NEMF: variants seen among roughly 807,000 people sequenced by gnomAD.
NEMF encodes nuclear export mediator factor, also known as ribosome quality control complex subunit NEMF.
NEMF carries 89 observed loss-of-function variants against 162.2 expected under a neutral mutation model. The ratio of observed to expected loss-of-function variants is 0.55; its 90% CI spans 0.46 to 0.65. The LOEUF (loss-of-function observed/expected upper bound fraction) is 0.65. Ranked by LOEUF, NEMF falls within the 30% of genes least tolerant of loss-of-function variation. The probability of loss-of-function intolerance (pLI) is 0.00; values close to 1 mark genes in which losing one functional copy is unlikely to be tolerated. For synonymous variants in NEMF, 421 were observed against 404.5 expected (o/e 1.04, Z -0.49); for missense variants, 1,133 against 1,261.9 (o/e 0.90, Z 1.55).
At chr14:49,835,194 C>T (rs983178342) in intron 6 of NEMF, among the ~76,000 whole-genome samples, 3 of 146,378 alleles carry the variant, frequency 2.0e-5, no homozygotes, top group South Asian at 4.5e-4. Flanking sequence ...GAGTGAAACT[C>T]CGTCCCCCGC....
intron 5 of NEMF, 133 bp downstream of exon 5, chr14:49,840,580 CAAAAT>C (rs1355331673): frequency 1.4e-6 from 1 of 709,414 alleles, no homozygotes; most frequent in Non-Finnish European, 2.3e-6. Flanking sequence ...CTAAGTAAAA[CAAAAT>C]ATTTTATCTC....
At position 49,784,564 on chromosome 14, in the gene NEMF, G is replaced by C. The variant is rs139842425; in HGVS notation, c.*72C>G. 1 of 999,420 alleles carries C rather than the reference G, an allele frequency of 1.0e-6. No individual in the cohort carries two copies. Among genetic ancestry groups the C allele is most frequent in the African/African-American group, 1.6e-5 (1 of 62,374 alleles). 61.9% of individuals were successfully genotyped at this position (999,420 alleles called of 1,614,324 possible). ...TATAATGCGGAAATCCTGATACATGGTGCTTTCATCTTTGAACTTCCAAAA... is the reference window on the plus strand; with the variant it reads ...TATAATGCGGAAATCCTGATACATGCTGCTTTCATCTTTGAACTTCCAAAA... On this transcript the variant is annotated 3_prime_UTR_variant, in exon 33 of 33. Transcript: ENST00000298310.
chr14:49,784,928 T>C lies in NEMF; in HGVS notation c.3150A>G (p.Val1050=). The C allele has an allele frequency of 3.1e-6, 5 of 1,613,050 alleles. No homozygotes were observed. Among genetic ancestry groups the C allele is most frequent in the Non-Finnish European group, 4.2e-6 (5 of 1,179,208 alleles). Reference sequence around the variant, plus strand: ...CTTTTCTGAAGGAGAACTTTACCTTTACGCTGCGGAATAAGTCTTTTTCTC... The same window carrying C: ...CTTTTCTGAAGGAGAACTTTACCTTCACGCTGCGGAATAAGTCTTTTTCTC... ...TAREKDLFRS[V]KDTDLSRNIP... Residue 1050 remains valine, a synonymous_variant, in exon 32 of 33, where the codon GTA becomes GTG. Transcript: ENST00000298310.
intron 4 of NEMF, among the ~76,000 whole-genome samples, chr14:49,841,132 G>A (rs1242885499): frequency 7.4e-6 from 1 of 135,340 alleles, no homozygotes; most frequent in Non-Finnish European, 1.5e-5. Flanking sequence ...GGGGGGTGGA[G>A]ACTGCAGTGA....
chr14:49,802,129 G>T (rs1012898230), intron 22 of NEMF, among the ~76,000 whole-genome samples: 4 of 151,232 alleles, frequency 2.6e-5, no homozygotes, highest in Non-Finnish European at 4.4e-5. Flanking sequence ...TGATTTTTTT[G>T]GTAGAGATGG....
chr14:49,833,385 A>G, intron 8 of NEMF, 38 bp downstream of exon 8: 4 of 1,299,100 alleles, frequency 3.1e-6, no homozygotes, highest in Non-Finnish European at 3.2e-6. Flanking sequence ...AAACCCAAAT[A>G]AATCACAACA....
chr14:49,791,985 C>G (rs1890475448), intron 26 of NEMF, among the ~76,000 whole-genome samples: 1 of 150,918 alleles, frequency 6.6e-6, no homozygotes, highest in African/African-American at 2.4e-5. Context: ...TCTTACAAAC[C>G]TCCTCAAAAT....
At chr14:49,815,733 G>C (rs1206207099) in intron 16 of NEMF, among the ~76,000 whole-genome samples, 2 of 152,172 alleles carry the variant, frequency 1.3e-5, no homozygotes, top group Non-Finnish European at 2.9e-5. Flanking sequence ...GAGAGGCCAA[G>C]GTGGGCGGAT....
intron 4 of NEMF, among the ~76,000 whole-genome samples, chr14:49,845,214 T>C (rs1016727674): frequency 4.6e-4 from 70 of 152,244 alleles, no homozygotes; most frequent in African/African-American, 1.7e-3. Context: ...TGCCTCAGCC[T>C]CCCGAGTAGC....
chr14:49,785,563 C>T (rs1890132290), intron 29 of NEMF: 1 of 410,272 alleles, frequency 2.4e-6, no homozygotes, highest in South Asian at 2.4e-5. Context: ...CAATAATTTT[C>T]AAAATCCTAC....
chr14:49,793,635 T>G (rs1242783357), intron 26 of NEMF, among the ~76,000 whole-genome samples: 1 of 152,220 alleles, frequency 6.6e-6, no homozygotes, highest in African/African-American at 2.4e-5. Context: ...TAAAAATGCA[T>G]CATTTATTGT....
At position 49,792,908 on chromosome 14, in the gene NEMF, G is replaced by A. The variant is rs1890520842; in HGVS notation, c.2619+2883C>T. 2.6e-5 allele frequency among the ~76,000 whole-genome samples: 4 copies of A among 152,202 alleles called. No individual in the cohort carries two copies. In the South Asian group the frequency reaches 8.3e-4, roughly 32 times the overall value. ...AGGTATTAGGATGGTTTGGGCCCAG[G>A]AGATCGAGGCTGCAGTGAGCCATAA... On this transcript the variant is annotated intron_variant, in intron 26 of 32. Coordinates refer to ENST00000298310, the MANE Select transcript of NEMF (RefSeq NM_004713.6).
chr14:49,798,309 T>C (rs569710501), intron 25 of NEMF, among the ~76,000 whole-genome samples: 1 of 152,354 alleles, frequency 6.6e-6, no homozygotes, highest in East Asian at 1.9e-4. Flanking sequence ...GTTTTCACTT[T>C]GCAAATAATC....
At position 49,782,267 on chromosome 14, in the gene NEMF, T is replaced by C; in HGVS notation, c.*2369A>G. 1.4e-6 allele frequency: 1 copy of C among 690,698 alleles called. No individual in the cohort carries two copies. The highest frequency in any genetic ancestry group is 2.5e-6 in the Non-Finnish European group (1 of 406,882). The allele number at this position is 690,698 out of a possible 1,614,324, so 42.8% of individuals were successfully genotyped here. ...CTCGCCATGATGTTTTGGTCTGAAC[T>C]ACCTTAAGATCGCTAGTCTTTATTT... On this transcript the variant is annotated 3_prime_UTR_variant, in exon 33 of 33. Coordinates refer to ENST00000298310, the MANE Select transcript of NEMF (RefSeq NM_004713.6).
intron 29 of NEMF, 111 bp from the exon 30 acceptor site, chr14:49,785,431 A>C: frequency 1.4e-6 from 1 of 724,766 alleles, no homozygotes; most frequent in Non-Finnish European, 2.5e-6. Flanking sequence ...CCTGATATAC[A>C]TACCATCTAA....
rs1490798283 is a variant in NEMF at position 49,851,615 on chromosome 14, G to C, written c.179C>G (p.Thr60Arg). The change falls in exon 3 of 33, where the codon ACA (threonine) becomes AGA (arginine). Residue 60 changes from threonine to arginine, a missense_variant. By Grantham distance (71) the Thr-to-Arg change is moderately conservative (BLOSUM62 -1). Around this residue, in one of 3 missense-constraint regions of NEMF, gnomAD observed 582 missense variants for 631.5 expected, o/e 0.92. Transcript: ENST00000298310. The part of the protein sequence containing the change: ...LLLESGIRIH[T>R]TEFEWPKNMM... ...ATTCTTAGGCCACTCAAATTCTGTT[G>C]TATGAATTCGTATGCCAGATTCAAG... The C allele has an allele frequency of 1.2e-6, 2 of 1,613,918 alleles. No homozygotes were observed. The highest frequency in any genetic ancestry group is 1.7e-6 in the Non-Finnish European group (2 of 1,179,924).
chr14:49,851,758 T>C (rs772661066), intron 2 of NEMF, 49 bp downstream of exon 2: 2 of 1,450,776 alleles, frequency 1.4e-6, no homozygotes, highest in South Asian at 2.3e-5. Context: ...AAATCAGTAA[T>C]CTCATACTTA....
At chr14:49,789,831 ATAAAG>A (rs1261358559) in intron 26 of NEMF, among the ~76,000 whole-genome samples, 1 of 152,258 alleles carries the variant, frequency 6.6e-6, no homozygotes, top group African/African-American at 2.4e-5. Context: ...TGAGGAAGAA[ATAAAG>A]TAAAACAGTA....
At chr14:49,840,995 G>C (rs1893173837) in intron 4 of NEMF, 129 bp from the exon 5 acceptor site, 5 of 688,420 alleles carry the variant, frequency 7.3e-6, no homozygotes, top group African/African-American at 1.9e-5. Flanking sequence ...TCAGGACTTT[G>C]AGACCAGCCT....
Sources: gnomAD v4.1 joint callset for allele counts (sites outside exome capture counted in the v4.1 genomes callset) on GRCh38, gnomAD v4.1.1 for gene constraint, gnomAD v4.1.1 regional missense constraint, MANE v1.5 for transcripts, NCBI Gene and HGNC (gene_info 2026-07-23, HGNC 2026-07-21) for gene names.